The following ELK3 variants were observed in gnomAD, a reference collection of about 807,000 sequenced individuals.
ELK3 encodes the protein ETS domain-containing protein Elk-3.
ELK3 carries 10 observed loss-of-function variants against 28.9 expected under a neutral mutation model. The ratio of observed to expected loss-of-function variants is 0.35; its 90% confidence interval spans 0.21 to 0.59. ELK3 has a LOEUF of 0.59. Ranked by LOEUF, ELK3 falls within the 20% of genes least tolerant of loss-of-function variation. The pLI is 0.82. For synonymous variants in ELK3, 272 were observed against 243.5 expected, an observed-to-expected ratio of 1.12 and a Z score of -1.09; for missense variants, 463 against 517.3, an observed-to-expected ratio of 0.90 and a Z score of 1.02.
chr12:96,210,374 ACCTTGCCAGAT>A (rs1299906012), intron 1 of ELK3, among the ~76,000 whole-genome samples: 4 of 152,040 alleles, frequency 2.6e-5, no homozygotes, highest in African/African-American at 9.7e-5. Context: ...GGTACTAGGG[ACCTTGCCAGAT>A]CCTGTCATGC....
intron 4 of ELK3, among the ~76,000 whole-genome samples, chr12:96,265,785 GTA>G (rs1454055201): frequency 6.6e-6 from 1 of 152,190 alleles, no homozygotes; most frequent in African/African-American, 2.4e-5. Context: ...TTAAACAAGA[GTA>G]TAAACTATAT....
At chr12:96,202,309 G>A (rs1332875792) in intron 1 of ELK3, among the ~76,000 whole-genome samples, 1 of 152,110 alleles carries the variant, frequency 6.6e-6, no homozygotes, top group African/African-American at 2.4e-5. Flanking sequence ...AATGCTTAAG[G>A]TGTCCTCTGC....
At chr12:96,252,970 A>C (rs1169207314) in intron 3 of ELK3, among the ~76,000 whole-genome samples, 1 of 152,228 alleles carries the variant, frequency 6.6e-6, no homozygotes. Context: ...TGAAAGGAAT[A>C]ATCAATTGGG....
In ELK3 at chr12:96,223,625, A is replaced by T. The variant is rs762463518; in HGVS notation, c.59A>T (p.His20Leu). The stretch of plus-strand genomic sequence containing the variant: ...TTGCAGTTGCTGCTGGATCAGAAAC[A>T]TGAGCATTTGATCTGCTGGACCTCG... The part of the protein sequence containing the change: ...FLLQLLLDQK[H>L]EHLICWTSND... The change falls in exon 2 of 5, where the codon CAT (histidine) becomes CTT (leucine). Residue 20 changes from histidine to leucine, a missense_variant. By Grantham distance (99) the His-to-Leu change is moderately conservative (BLOSUM62 -3). Around this residue, in one of 2 missense-constraint regions of ELK3, gnomAD observed 55 missense variants for 102.5 expected, o/e 0.54. Coordinates refer to ENST00000228741, the MANE Select transcript of ELK3 (RefSeq NM_005230.4). 6.2e-7 allele frequency: 1 copy of T among 1,614,196 alleles called. No homozygotes were observed. Among genetic ancestry groups the T allele is most frequent in the East Asian group, 2.2e-5 (1 of 44,884 alleles).
intron 2 of ELK3, among the ~76,000 whole-genome samples, chr12:96,239,685 G>GGTC (rs1013989402): frequency 5.3e-5 from 8 of 152,334 alleles, no homozygotes; most frequent in East Asian, 1.9e-4. Context: ...ACCTGAACAG[G>GGTC]TTCCTGCCTC....
At chr12:96,225,536 G>A (rs1285576911) in intron 2 of ELK3, among the ~76,000 whole-genome samples, 1 of 152,236 alleles carries the variant, frequency 6.6e-6, no homozygotes, top group East Asian at 1.9e-4. Flanking sequence ...GCTGTGCTGA[G>A]CACTTCTTCC....
chr12:96,202,543 G>A (rs533879163), intron 1 of ELK3, among the ~76,000 whole-genome samples: 628 of 22,690 alleles, frequency 0.028, 3 homozygotes, highest in Non-Finnish European at 0.046. Flanking sequence ...TTTTTTTTTT[G>A]AGAGATGGAG....
chr12:96,253,569 C>T (rs1425010008), intron 3 of ELK3, among the ~76,000 whole-genome samples: 4 of 152,212 alleles, frequency 2.6e-5, no homozygotes, highest in Admixed American at 6.5e-5. Context: ...GAGATTCAGT[C>T]ACCTTTTATT....
At chr12:96,200,044 T>G (rs551898711) in intron 1 of ELK3, among the ~76,000 whole-genome samples, 1 of 152,170 alleles carries the variant, frequency 6.6e-6, no homozygotes, top group African/African-American at 2.4e-5. Context: ...AAAACACTTA[T>G]CTAGATACCT....
intron 1 of ELK3, chr12:96,197,939 A>G (rs1951483246): frequency 6.6e-6 from 1 of 152,172 alleles, no homozygotes; most frequent in Non-Finnish European, 1.5e-5. Context: ...GTGTATGTAA[A>G]TTAAAATATT....
intron 1 of ELK3, among the ~76,000 whole-genome samples, chr12:96,206,899 G>A (rs559089784): frequency 2.6e-5 from 4 of 152,234 alleles, no homozygotes; most frequent in East Asian, 1.9e-4. Context: ...ATGAATGAAC[G>A]GTTGGTCTGC....
At chr12:96,248,505 A>G (rs1466659985) in intron 3 of ELK3, among the ~76,000 whole-genome samples, 3 of 152,204 alleles carry the variant, frequency 2.0e-5, no homozygotes, top group African/African-American at 4.8e-5. Context: ...GGCAGAGGTT[A>G]AAAGAGTATT....
intron 1 of ELK3, among the ~76,000 whole-genome samples, chr12:96,212,246 G>A (rs966281669): frequency 6.6e-6 from 1 of 152,208 alleles, no homozygotes; most frequent in Non-Finnish European, 1.5e-5. Context: ...TGAGAACTGC[G>A]GGACGTGCTT....
chr12:96,202,008 G>C (rs1408047939), intron 1 of ELK3, among the ~76,000 whole-genome samples: 2 of 152,174 alleles, frequency 1.3e-5, no homozygotes, highest in Non-Finnish European at 2.9e-5. Context: ...TGTAGCACCA[G>C]ATAAGAGTTT....
intron 1 of ELK3, among the ~76,000 whole-genome samples, chr12:96,211,487 T>TTTG (rs1555193135): frequency 7.3e-5 from 4 of 54,458 alleles, no homozygotes; most frequent in Non-Finnish European, 9.7e-5. Context: ...CATTGTGTGT[T>TTTG]TGTGTGTGTG....
At chr12:96,219,596 C>T (rs973700296) in intron 1 of ELK3, among the ~76,000 whole-genome samples, 2 of 152,158 alleles carry the variant, frequency 1.3e-5, no homozygotes, top group Non-Finnish European at 2.9e-5. Context: ...TGGCCCACTG[C>T]CCACCTGTCC....
intron 4 of ELK3, among the ~76,000 whole-genome samples, chr12:96,266,705 A>G (rs1952034034): frequency 6.6e-6 from 1 of 152,202 alleles, no homozygotes; most frequent in African/African-American, 2.4e-5. Flanking sequence ...TATGGTTTTC[A>G]AAACACTCTT....
intron 2 of ELK3, among the ~76,000 whole-genome samples, chr12:96,232,968 T>G (rs1951754283): frequency 6.6e-6 from 1 of 152,042 alleles, no homozygotes; most frequent in Non-Finnish European, 1.5e-5. Flanking sequence ...AGAGCAAAAC[T>G]CTGTCTCTTA....
rs557255200 is a variant in ELK3 at position 96,216,555 on chromosome 12, T to C, written c.-2-7010T>C. On this transcript the variant is annotated intron_variant, in intron 1 of 4. Coordinates refer to ENST00000228741, the MANE Select transcript of ELK3 (RefSeq NM_005230.4). The stretch of plus-strand genomic sequence containing the variant: ...TGCCTGTGTGGGGCTCATTGCCTAA[T>C]GGACAAAGAGCCCAGGTGGGTGCTG... 2.7e-4 allele frequency among the ~76,000 whole-genome samples: 41 copies of C among 152,368 alleles called. No homozygotes were observed. In the South Asian group the frequency reaches 8.3e-3, roughly 31 times the overall value.
Sources: gnomAD v4.1 joint callset for allele counts (sites outside exome capture counted in the v4.1 genomes callset) on GRCh38, gnomAD v4.1.1 for gene constraint, gnomAD v4.1.1 regional missense constraint, MANE v1.5 for transcripts, NCBI Gene and HGNC (gene_info 2026-07-23, HGNC 2026-07-21) for gene names.